Variants in WDR64 observed in about 807,000 individuals in gnomAD.
The protein encoded by WDR64 is WD repeat-containing protein 64.
In WDR64, 112 loss-of-function variants were observed where a neutral mutation model predicts 139.3. The ratio of observed to expected loss-of-function variants is 0.80; its 90% CI spans 0.69 to 0.94. The LOEUF (loss-of-function observed/expected upper bound fraction) is 0.94, where lower values mean the gene tolerates loss of function less well. Among genes scored for constraint, WDR64 ranks in the 40% least tolerant of loss-of-function variants. The pLI is 0.00. For missense variants in WDR64, 1,206 were observed against 1,293.1 expected (o/e 0.93, Z 1.03); for synonymous variants, 444 against 437.7 (o/e 1.01, Z -0.18).
At chr1:241,791,485 A>G (rs1362805929) in intron 25 of WDR64, among the ~76,000 whole-genome samples, 1 of 152,156 alleles carries the variant, frequency 6.6e-6, no homozygotes, top group Admixed American at 6.5e-5. Flanking sequence ...TAGGCAACAT[A>G]GTGAGACTAT....
intron 2 of WDR64, among the ~76,000 whole-genome samples, chr1:241,665,266 A>G (rs1440934264): frequency 6.6e-6 from 1 of 152,096 alleles, no homozygotes; most frequent in Non-Finnish European, 1.5e-5. Context: ...TTTCTCACAA[A>G]TTATTTGTGT....
intron 15 of WDR64, among the ~76,000 whole-genome samples, chr1:241,760,202 C>T (rs1670371318): frequency 6.6e-6 from 1 of 151,938 alleles, no homozygotes; most frequent in Non-Finnish European, 1.5e-5. Context: ...TTTCATTTTT[C>T]TTTTTGAAAA....
Position 241,738,468 on chromosome 1 carries a change from A to G in WDR64, c.1300A>G (p.Asn434Asp), listed in dbSNP as rs1160533747. The G allele has an allele frequency of 6.2e-7, 1 of 1,612,520 alleles. No individual in the cohort carries two copies. Among genetic ancestry groups the G allele is most frequent in the African/African-American group, 1.3e-5 (1 of 75,002 alleles). ...GATTTACTCTATGATATATGATGCC[A>G]ATCATGGCATGCTTATTACGGGTAA... ...MQIYSMIYDANHGMLITGSSV... is the reference protein window; with the variant it reads ...MQIYSMIYDADHGMLITGSSV... Residue 434 changes from asparagine to aspartate, a missense_variant, in exon 11 of 28, where the codon AAT becomes GAT. By Grantham distance (23) the Asn-to-Asp change is conservative. Transcript: ENST00000437684.
intron 16 of WDR64, among the ~76,000 whole-genome samples, chr1:241,769,078 G>A (rs189196300): frequency 1.8e-4 from 28 of 152,236 alleles, no homozygotes; most frequent in Non-Finnish European, 3.2e-4. Context: ...ACCAGTCTGG[G>A]CAACATAGTT....
At chr1:241,706,067 A>G (rs932225723) in intron 8 of WDR64, among the ~76,000 whole-genome samples, 1 of 152,204 alleles carries the variant, frequency 6.6e-6, no homozygotes, top group African/African-American at 2.4e-5. Flanking sequence ...GTATGTTTTC[A>G]TGGGCCCTAA....
intron 7 of WDR64, among the ~76,000 whole-genome samples, chr1:241,685,924 C>A (rs572734902): frequency 8.5e-5 from 13 of 152,112 alleles, no homozygotes; most frequent in Non-Finnish European, 1.6e-4. Context: ...AATATGTGTG[C>A]CACCTGTCAG....
chr1:241,769,615 GT>G, intron 17 of WDR64, 110 bp downstream of exon 17: 1 of 940,978 alleles, frequency 1.1e-6, no homozygotes, highest in Non-Finnish European at 1.6e-6. Flanking sequence ...AATAGAAAGA[GT>G]TTACTTCATC....
At chr1:241,668,388 A>G (rs1666103234) in intron 2 of WDR64, among the ~76,000 whole-genome samples, 1 of 151,884 alleles carries the variant, frequency 6.6e-6, no homozygotes, top group African/African-American at 2.4e-5. Context: ...GGATTGTGGA[A>G]ATATATGATT....
chr1:241,713,898 C>T (rs949947635), intron 9 of WDR64, among the ~76,000 whole-genome samples: 10 of 152,082 alleles, frequency 6.6e-5, no homozygotes, highest in Non-Finnish European at 1.2e-4. Flanking sequence ...ACCAGCTCCA[C>T]GTTTGTATGG....
chr1:241,795,139 G>T, intron 25 of WDR64, 68 bp from the exon 26 acceptor site: 2 of 1,415,050 alleles, frequency 1.4e-6, no homozygotes, highest in South Asian at 1.2e-5. Flanking sequence ...GTCAGGATTT[G>T]AACCCAGGTA....
At chr1:241,776,603 G>A (rs1226169522) in intron 21 of WDR64, among the ~76,000 whole-genome samples, 1 of 151,498 alleles carries the variant, frequency 6.6e-6, no homozygotes, top group Admixed American at 6.6e-5. Flanking sequence ...TCTGATTTTC[G>A]CTTATCTATC....
intron 2 of WDR64, 41 bp downstream of exon 2, chr1:241,660,701 A>C: frequency 6.5e-7 from 1 of 1,541,610 alleles, no homozygotes; most frequent in Non-Finnish European, 8.8e-7. Flanking sequence ...TCCAGGTATT[A>C]TTTTTCTAAG....
chr1:241,767,515 C>T (rs994428261), intron 16 of WDR64, among the ~76,000 whole-genome samples: 1 of 151,928 alleles, frequency 6.6e-6, no homozygotes, highest in Non-Finnish European at 1.5e-5. Flanking sequence ...ACAAGATGGC[C>T]AAGAACCTTA....
intron 10 of WDR64, among the ~76,000 whole-genome samples, chr1:241,724,343 T>C (rs1211862019): frequency 6.6e-6 from 1 of 152,170 alleles, no homozygotes; most frequent in Non-Finnish European, 1.5e-5. Flanking sequence ...GATGGCACTT[T>C]CCCTGTCCAA....
rs747029602 is a variant in WDR64, at chr1:241,660,583, G to C, written c.199G>C (p.Asp67His). ...YASVQKLFGP[D>H]VKNQDVKRFY... is the part of the protein sequence containing the mutation. ...ATCGGTACAGAAGCTCTTTGGTCCA[G>C]ATGTGAAGAATCAAGATGTGAAACG... Residue 67 changes from aspartate (D) to histidine (H), a missense_variant, in exon 2 of 28, where the codon GAT becomes CAT. By Grantham distance (81) the Asp-to-His change is moderately conservative (BLOSUM62 -1). Coordinates refer to ENST00000437684, the MANE Select transcript of WDR64 (RefSeq NM_001367482.1). The C allele has an allele frequency of 2.6e-6, 4 of 1,551,680 alleles. No homozygotes were observed. In the African/African-American group the frequency reaches 5.5e-5, roughly 21 times the overall value.
chr1:241,696,745 T>C (rs550277354), intron 8 of WDR64, among the ~76,000 whole-genome samples: 1 of 152,312 alleles, frequency 6.6e-6, no homozygotes, highest in South Asian at 2.1e-4. Context: ...GTCACTCTCA[T>C]GGCCATCTTG....
At chr1:241,676,779 C>T (rs954690904) in intron 4 of WDR64, among the ~76,000 whole-genome samples, 3 of 144,478 alleles carry the variant, frequency 2.1e-5, no homozygotes, top group Non-Finnish European at 3.0e-5. Context: ...AACAGGGTCT[C>T]GCTGTGTTGT....
At chr1:241,756,513 ACTTC>A (rs1328221800) in intron 14 of WDR64, among the ~76,000 whole-genome samples, 6 of 152,138 alleles carry the variant, frequency 3.9e-5, no homozygotes, top group Non-Finnish European at 8.8e-5. Context: ...AGACAATTTG[ACTTC>A]CTGTCTTCCT....
At chr1:241,794,481 C>T (rs1278866402) in intron 25 of WDR64, among the ~76,000 whole-genome samples, 3 of 150,490 alleles carry the variant, frequency 2.0e-5, no homozygotes, top group Non-Finnish European at 3.0e-5. Flanking sequence ...TAATTGAATG[C>T]CCCACATATT....
Sources: gnomAD v4.1 joint callset for allele counts (sites outside exome capture counted in the v4.1 genomes callset) on GRCh38, gnomAD v4.1.1 for gene constraint, MANE v1.5 for transcripts, NCBI Gene and HGNC (gene_info 2026-07-23, HGNC 2026-07-21) for gene names.